Variants in CEP290 observed in about 807,000 individuals in gnomAD.
The protein encoded by CEP290 is centrosomal protein 290.
A neutral mutation model predicts 344.9 loss-of-function variants in CEP290; 317 were observed. That is an observed-to-expected ratio of 0.92 (90% CI 0.84 to 1.01). CEP290 has a LOEUF of 1.01. CEP290 is among the 50% of genes least tolerant of loss of function. The probability of loss-of-function intolerance (pLI) is 0.00; values close to 1 mark genes in which losing one functional copy is unlikely to be tolerated. For missense variants in CEP290, 2,754 were observed against 2,761.4 expected (o/e 1.00, Z 0.06); for synonymous variants, 932 against 895.8 (o/e 1.04, Z -0.72).
chr12:88,049,696 A>AT (rs1195642244), intron 53 of CEP290: 1 of 234,986 alleles, frequency 4.3e-6, no homozygotes, highest in African/African-American at 2.3e-5. Context: ...CTAAAAGCAT[A>AT]TAAGAGCTTG....
intron 52 of CEP290, 110 bp downstream of exon 52, chr12:88,053,542 C>T (rs1330914155): frequency 1.6e-5 from 10 of 622,336 alleles, no homozygotes; most frequent in East Asian, 8.4e-5. Flanking sequence ...ATCAGGAATT[C>T]GATTTTACAG....
Position 88,089,456 on chromosome 12 carries a change from T to A in CEP290, c.3605A>T (p.Lys1202Met), listed in dbSNP as rs375065584. 4.5e-6 allele frequency: 7 copies of A among 1,569,688 alleles called. No homozygotes were observed. The highest frequency in any genetic ancestry group is 6.1e-6 in the Non-Finnish European group (7 of 1,155,274). ...AQSDEKSLIA[K>M]LHQHNVSLQL... ...AAGAGAGACATTATGTTGGTGCAAC[T>A]TGGCAATGAGCGACTTTTCATCAGA... Residue 1202 changes from lysine to methionine, a missense_variant, in exon 31 of 54, where the codon AAG (lysine) becomes ATG (methionine). Physicochemically the swap from Lys to Met is moderately conservative, Grantham distance 95. Transcript: ENST00000552810.
At chr12:88,064,768 C>T (rs1435357122) in intron 44 of CEP290, among the ~76,000 whole-genome samples, 1 of 152,092 alleles carries the variant, frequency 6.6e-6, no homozygotes, top group Non-Finnish European at 1.5e-5. Context: ...ATCAACCCTG[C>T]TGATGTCTTG....
At position 88,126,339 on chromosome 12, in the gene CEP290, T is replaced by A. The variant is rs753281190; in HGVS notation, c.1042A>T (p.Ser348Cys). The change falls in exon 12 of 54, where the codon AGT (serine) becomes TGT (cysteine). Residue 348 changes from serine (S) to cysteine (C), a missense_variant. By Grantham distance (112) the Ser-to-Cys change is moderately radical. Coordinates refer to ENST00000552810, the MANE Select transcript of CEP290 (RefSeq NM_025114.4). ...LKNAQLDADK[S>C]NVMALQQGIQ... ...ACCTGCTGTAGAGCCATAACATTAC[T>A]TTTATCAGCATCAAGCTGAGCATTC... 4.4e-5 allele frequency: 66 copies of A among 1,491,288 alleles called. No homozygotes were observed. Among genetic ancestry groups the A allele is most frequent in the Non-Finnish European group, 5.8e-5 (65 of 1,125,366 alleles). 92.4% of individuals were successfully genotyped at this position (1,491,288 alleles called of 1,614,324 possible). A position where few individuals can be genotyped will look rare whatever the true frequency, so the allele number is the denominator to read the frequency against.
At chr12:88,111,602 C>A in intron 21 of CEP290, 92 bp downstream of exon 21, 1 of 1,111,970 alleles carries the variant, frequency 9.0e-7, no homozygotes, top group Non-Finnish European at 1.2e-6. Flanking sequence ...GGGGCATTTT[C>A]TCATAAAGCA....
chr12:88,101,771 T>C (rs1177625251), intron 26 of CEP290, among the ~76,000 whole-genome samples: 1 of 152,146 alleles, frequency 6.6e-6, no homozygotes, highest in Non-Finnish European at 1.5e-5. Flanking sequence ...TGCCTAGGAC[T>C]TTCTAATGCT....
chr12:88,137,810 AC>A (rs2040427175), intron 5 of CEP290, among the ~76,000 whole-genome samples: 1 of 152,052 alleles, frequency 6.6e-6, no homozygotes, highest in Admixed American at 6.5e-5. Context: ...TTCTAGGTTT[AC>A]CCCACCCTGC....
At chr12:88,139,297 CATGATT>C in intron 4 of CEP290, 106 bp from the exon 5 acceptor site, 3 of 587,960 alleles carry the variant, frequency 5.1e-6, no homozygotes, top group Non-Finnish European at 8.3e-6. Context: ...AAGAGTCCAT[CATGATT>C]ATAAGGTAAC....
chr12:88,107,074 TTC>T lies in CEP290; in HGVS notation c.2506_2507del (p.Glu836IlefsTer2), dbSNP rs1223251937. ...TCTTTTCCTCTTTTATTGTTTTAGA[TTC>T]TGTTTTCCAGGTCTCCTTTTCACTA... The part of the protein sequence containing the change: ...YLSEKETWKT[E>X]SKTIKEEKRK... On this transcript the variant is annotated frameshift_variant, in exon 24 of 54. Coordinates refer to ENST00000552810, the MANE Select transcript of CEP290 (RefSeq NM_025114.4). LOFTEE classifies it high-confidence loss of function. The T allele has an allele frequency of 2.6e-6, 4 of 1,549,712 alleles. No individual in the cohort carries two copies. The highest frequency in any genetic ancestry group is 3.5e-6 in the Non-Finnish European group (4 of 1,148,574).
At position 88,053,670 on chromosome 12, in the gene CEP290, C is replaced by A. The variant is rs747836241; in HGVS notation, c.7111G>T (p.Ala2371Ser). 1 of 1,537,380 alleles carries A rather than the reference C, an allele frequency of 6.5e-7. No individual in the cohort carries two copies. The highest frequency in any genetic ancestry group is 2.4e-5 in the East Asian group (1 of 42,542). ...ACATTACCAGGTATGGTGCTTTCAG[C>A]TCCACTTTGGTCCTTGTTAGCTTCT... ...QIEANKDQSG[A>S]ESTIPDADQL... The change falls in exon 52 of 54, where the codon GCT (alanine) becomes TCT (serine). Residue 2371 changes from alanine (A) to serine (S), a missense_variant. Physicochemically the swap from Ala to Ser is moderately conservative, Grantham distance 99. Coordinates refer to ENST00000552810, the MANE Select transcript of CEP290 (RefSeq NM_025114.4).
intron 47 of CEP290, 51 bp from the exon 48 acceptor site, chr12:88,060,071 AT>A (rs1358068309): frequency 1.0e-5 from 14 of 1,362,984 alleles, no homozygotes; most frequent in Admixed American, 2.8e-5. Flanking sequence ...AAACAAGGAA[AT>A]AAAAGATAAT....
chr12:88,135,269 T>C (rs2040293146), intron 6 of CEP290, among the ~76,000 whole-genome samples: 1 of 152,154 alleles, frequency 6.6e-6, no homozygotes, highest in African/African-American at 2.4e-5. Flanking sequence ...ACAGGCCATA[T>C]ATTCAAGTTT....
At chr12:88,120,633 A>AT (rs1412230013) in intron 14 of CEP290, among the ~76,000 whole-genome samples, 2 of 152,224 alleles carry the variant, frequency 1.3e-5, no homozygotes, top group Admixed American at 1.3e-4. Context: ...ATGAAAAAGT[A>AT]TAAAAAGTGG....
chr12:88,133,692 C>A (rs952133909), intron 6 of CEP290, among the ~76,000 whole-genome samples: 7 of 152,084 alleles, frequency 4.6e-5, no homozygotes, highest in Non-Finnish European at 8.8e-5. Context: ...GTGTTTCTTA[C>A]AATCTTTATG....
intron 28 of CEP290, chr12:88,093,488 T>G (rs1438336124): frequency 3.3e-6 from 1 of 304,050 alleles, no homozygotes. Flanking sequence ...AAATATTTGT[T>G]AAATGAAGGG....
At chr12:88,065,382 CA>C (rs1289492218) in intron 44 of CEP290, among the ~76,000 whole-genome samples, 1 of 151,350 alleles carries the variant, frequency 6.6e-6, no homozygotes, top group Non-Finnish European at 1.5e-5. Context: ...TATGTCGTAG[CA>C]AAAAAAAGAA....
intron 6 of CEP290, among the ~76,000 whole-genome samples, chr12:88,131,465 G>T (rs1592677618): frequency 6.6e-6 from 1 of 151,980 alleles, no homozygotes; most frequent in Non-Finnish European, 1.5e-5. Flanking sequence ...GTTTCACTGT[G>T]TTAGCCAGGC....
At chr12:88,090,566 G>C (rs1055899850) in intron 30 of CEP290, among the ~76,000 whole-genome samples, 162 bp downstream of exon 30, 1 of 152,134 alleles carries the variant, frequency 6.6e-6, no homozygotes, top group Non-Finnish European at 1.5e-5. Context: ...GGTGGTGAAG[G>C]CTGCAATGAG....
In CEP290 at chr12:88,126,388, T is replaced by C; in HGVS notation, c.993A>G (p.Leu331=). 6.6e-7 allele frequency: 1 copy of C among 1,520,304 alleles called. No homozygotes were observed. Among genetic ancestry groups the C allele is most frequent in the Non-Finnish European group, 8.8e-7 (1 of 1,138,434 alleles). The allele number at this position is 1,520,304 out of a possible 1,614,324, so 94.2% of individuals were successfully genotyped here. A position where few individuals can be genotyped will look rare whatever the true frequency, so the allele number is the denominator to read the frequency against. ...DDEIIEYQQM[L]HNLREKLKNA... ...TCTTAAGTTTCTCCCTTAGGTTATGTAACATTTGCTGATACTCAATAATTT... is the reference window on the plus strand; with the variant it reads ...TCTTAAGTTTCTCCCTTAGGTTATGCAACATTTGCTGATACTCAATAATTT... The change falls in exon 12 of 54, where the codon TTA becomes TTG. Residue 331 remains leucine (L), a synonymous_variant. Transcript: ENST00000552810.
Sources: allele counts gnomAD v4.1 joint callset (sites outside exome capture counted in the v4.1 genomes callset), GRCh38; gene constraint gnomAD v4.1.1; transcripts MANE v1.5; gene names NCBI Gene and HGNC (gene_info 2026-07-23, HGNC 2026-07-21).